Variants in SLC35F3 observed in about 807,000 individuals in gnomAD.
The protein encoded by SLC35F3 is putative thiamine transporter SLC35F3.
SLC35F3 carries 25 observed loss-of-function variants against 49.9 expected under a neutral mutation model. The observed-to-expected ratio is 0.50, with a 90% CI of 0.37 to 0.70. The LOEUF is 0.70. Among genes scored for constraint, SLC35F3 ranks in the 30% least tolerant of loss-of-function variants. The probability of loss-of-function intolerance (pLI) is 0.00; values close to 1 mark genes in which losing one functional copy is unlikely to be tolerated. For synonymous variants in SLC35F3, 275 were observed against 265.4 expected (o/e 1.04, Z -0.35); for missense variants, 525 against 639.8 (o/e 0.82, Z 1.94).
chr1:234,226,150 T>G (rs1175775282), intron 2 of SLC35F3, among the ~76,000 whole-genome samples: 1 of 152,218 alleles, frequency 6.6e-6, no homozygotes, highest in Non-Finnish European at 1.5e-5. Context: ...TTAACTGAAT[T>G]TTATAGTATG....
chr1:234,145,428 C>A (rs1665982068), intron 2 of SLC35F3, among the ~76,000 whole-genome samples: 1 of 152,024 alleles, frequency 6.6e-6, no homozygotes, highest in Non-Finnish European at 1.5e-5. Flanking sequence ...ATTTTAATAT[C>A]CATCTTCAGT....
intron 2 of SLC35F3, among the ~76,000 whole-genome samples, chr1:233,961,431 C>T (rs1207925859): frequency 6.7e-6 from 1 of 148,658 alleles, no homozygotes. Context: ...GTCCTCATTT[C>T]AGCTTTCTTT....
intron 2 of SLC35F3, among the ~76,000 whole-genome samples, chr1:233,980,327 G>A (rs903811061): frequency 1.3e-5 from 2 of 152,204 alleles, no homozygotes; most frequent in African/African-American, 4.8e-5. Context: ...TGTTGATGAT[G>A]ATGATGCCAA....
At chr1:233,979,829 C>T (rs977869214) in intron 2 of SLC35F3, among the ~76,000 whole-genome samples, 3 of 152,156 alleles carry the variant, frequency 2.0e-5, no homozygotes, top group African/African-American at 7.2e-5. Flanking sequence ...TAAAGAAACT[C>T]CATGGGAACT....
intron 2 of SLC35F3, among the ~76,000 whole-genome samples, chr1:234,182,470 A>G (rs1666573690): frequency 1.3e-5 from 2 of 152,186 alleles, no homozygotes; most frequent in East Asian, 3.8e-4. Context: ...CTTCAGCTCC[A>G]TTGTCTGGCC....
Position 234,159,897 on chromosome 1 carries a change from G to A in SLC35F3, c.284-71520G>A, listed in dbSNP as rs149830417. 3.9e-5 allele frequency among the ~76,000 whole-genome samples: 6 copies of A among 152,208 alleles called. No individual in the cohort carries two copies. In the East Asian group the frequency reaches 1.2e-3, roughly 29 times the overall value. The stretch of plus-strand genomic sequence containing the variant: ...TACCTTTATCAGGCCCTTTGTGTCT[G>A]GACTAATTTCTCGTAAGATTTTAGA... On this transcript the variant is annotated intron_variant, in intron 2 of 7. Coordinates refer to ENST00000366618, the MANE Select transcript of SLC35F3 (RefSeq NM_173508.4).
At chr1:234,221,093 C>T (rs1231818469) in intron 2 of SLC35F3, among the ~76,000 whole-genome samples, 1 of 143,948 alleles carries the variant, frequency 6.9e-6, no homozygotes, top group East Asian at 4.9e-4. Context: ...AGAAGAAAAC[C>T]GAGAAGAAAG....
intron 2 of SLC35F3, among the ~76,000 whole-genome samples, chr1:234,152,634 G>T (rs1403965865): frequency 6.6e-6 from 1 of 152,088 alleles, no homozygotes; most frequent in Non-Finnish European, 1.5e-5. Flanking sequence ...TCATTGATGG[G>T]CATTTGGGTT....
At chr1:233,912,456 G>A (rs1029727468) in intron 2 of SLC35F3, among the ~76,000 whole-genome samples, 7 of 152,192 alleles carry the variant, frequency 4.6e-5, no homozygotes, top group East Asian at 3.9e-4. Context: ...CATCCTGGGC[G>A]ACAGAGTGAG....
At chr1:233,949,212 C>G (rs557483269) in intron 2 of SLC35F3, among the ~76,000 whole-genome samples, 2 of 152,146 alleles carry the variant, frequency 1.3e-5, no homozygotes, top group East Asian at 3.9e-4. Context: ...AACTTTTCCT[C>G]GAATGCCTCA....
chr1:234,252,830 C>T (rs1380652347), intron 3 of SLC35F3, among the ~76,000 whole-genome samples: 1 of 152,168 alleles, frequency 6.6e-6, no homozygotes, highest in Non-Finnish European at 1.5e-5. Flanking sequence ...CCATCAAAAT[C>T]ACAAAGGCAT....
At chr1:234,066,829 CCCACA>C (rs1558219737) in intron 2 of SLC35F3, among the ~76,000 whole-genome samples, 1 of 79,602 alleles carries the variant, frequency 1.3e-5, no homozygotes, top group African/African-American at 4.6e-5. Context: ...CCCTCTCTCT[CCCACA>C]CACACACACA....
At chr1:234,017,049 G>A (rs12035783) in intron 2 of SLC35F3, among the ~76,000 whole-genome samples, 6,572 of 152,184 alleles carry the variant, frequency 0.043, 275 homozygotes, top group East Asian at 0.16. Flanking sequence ...CTTAGTAACA[G>A]TAGTCCATAC....
intron 2 of SLC35F3, among the ~76,000 whole-genome samples, chr1:234,050,200 G>A (rs1226797775): frequency 6.6e-6 from 1 of 152,182 alleles, no homozygotes; most frequent in Non-Finnish European, 1.5e-5. Context: ...CTAGATCCTT[G>A]AGGAATCGCC....
At chr1:234,241,703 C>G (rs1667554910) in intron 3 of SLC35F3, among the ~76,000 whole-genome samples, 1 of 149,526 alleles carries the variant, frequency 6.7e-6, no homozygotes, top group Non-Finnish European at 1.5e-5. Flanking sequence ...CCATTGCACT[C>G]CAGCCTGGGC....
At chr1:234,308,454 T>A (rs1051614077) in intron 3 of SLC35F3, among the ~76,000 whole-genome samples, 2 of 152,206 alleles carry the variant, frequency 1.3e-5, no homozygotes, top group Admixed American at 1.3e-4. Context: ...TGAGATTTTT[T>A]TTTTTGCGAT....
chr1:234,116,245 A>T (rs913024700), intron 2 of SLC35F3, among the ~76,000 whole-genome samples: 33 of 152,202 alleles, frequency 2.2e-4, no homozygotes, highest in African/African-American at 7.5e-4. Flanking sequence ...CAAAAGATTT[A>T]TGAGCTCTGT....
At chr1:234,026,173 G>A (rs748138664) in intron 2 of SLC35F3, among the ~76,000 whole-genome samples, 1 of 152,268 alleles carries the variant, frequency 6.6e-6, no homozygotes, top group South Asian at 2.1e-4. Context: ...TTTTGTACCA[G>A]TACCATGCTG....
chr1:234,029,552 A>T (rs939922148), intron 2 of SLC35F3, among the ~76,000 whole-genome samples: 1 of 152,128 alleles, frequency 6.6e-6, no homozygotes, highest in Non-Finnish European at 1.5e-5. Context: ...GTTTGGGGAG[A>T]CTACATTTAC....
Sources: allele counts gnomAD v4.1 joint callset (sites outside exome capture counted in the v4.1 genomes callset), GRCh38; gene constraint gnomAD v4.1.1; transcripts MANE v1.5; gene names NCBI Gene and HGNC (gene_info 2026-07-23, HGNC 2026-07-21).